ASPH: variants seen among roughly 807,000 people sequenced by gnomAD.
The protein encoded by ASPH is aspartyl/asparaginyl beta-hydroxylase.
ASPH carries 100 observed loss-of-function variants against 118.4 expected under a neutral mutation model. That is an observed-to-expected ratio of 0.84 (90% confidence interval 0.72 to 1.00). The LOEUF (loss-of-function observed/expected upper bound fraction) is 1.00. Among genes scored for constraint, ASPH ranks in the 50% least tolerant of loss-of-function variants. ASPH has a pLI of 0.00. For synonymous variants in ASPH, 315 were observed against 325.6 expected (o/e 0.97, Z 0.35); for missense variants, 920 against 919.5 (o/e 1.00, Z -0.01).
At chr8:61,637,534 CAA>C (rs769327983) in intron 12 of ASPH, among the ~76,000 whole-genome samples, 2 of 144,456 alleles carry the variant, frequency 1.4e-5, no homozygotes, top group Admixed American at 6.9e-5. Context: ...TCTCCACCAC[CAA>C]AAAAAAAAAA....
intron 21 of ASPH, among the ~76,000 whole-genome samples, chr8:61,546,382 T>A (rs1401780806): frequency 3.3e-5 from 5 of 151,990 alleles, no homozygotes; most frequent in African/African-American, 9.7e-5. Flanking sequence ...CACAAAGAGA[T>A]CATGAATAAA....
chr8:61,539,237 T>G (rs1302895359), intron 21 of ASPH, among the ~76,000 whole-genome samples: 2 of 152,112 alleles, frequency 1.3e-5, no homozygotes, highest in African/African-American at 4.8e-5. Flanking sequence ...TGAGACTCCA[T>G]CTCAAAATAT....
chr8:61,682,083 T>G (rs1407199567), intron 2 of ASPH, among the ~76,000 whole-genome samples: 1 of 151,998 alleles, frequency 6.6e-6, no homozygotes, highest in African/African-American at 2.4e-5. Context: ...CTCAGATTAG[T>G]TCTGATCAAT....
At chr8:61,552,721 C>G (rs907558504) in intron 20 of ASPH, among the ~76,000 whole-genome samples, 10 of 152,138 alleles carry the variant, frequency 6.6e-5, no homozygotes, top group African/African-American at 2.2e-4. Context: ...TGTACACACA[C>G]AGACACACAC....
intron 22 of ASPH, among the ~76,000 whole-genome samples, chr8:61,521,687 G>A (rs1440594772): frequency 1.3e-5 from 2 of 152,206 alleles, no homozygotes; most frequent in South Asian, 2.1e-4. Flanking sequence ...TCTCACCAGC[G>A]TTAAACTAAC....
intron 16 of ASPH, among the ~76,000 whole-genome samples, chr8:61,571,622 A>G (rs557067559): frequency 6.6e-6 from 1 of 152,190 alleles, no homozygotes; most frequent in East Asian, 1.9e-4. Context: ...GAATCCATGG[A>G]TATGGAACAT....
intron 10 of ASPH, among the ~76,000 whole-genome samples, chr8:61,642,532 T>C (rs1412167347): frequency 6.6e-6 from 1 of 152,228 alleles, no homozygotes; most frequent in Non-Finnish European, 1.5e-5. Flanking sequence ...GTAGTCAAAC[T>C]ATAGGTATAT....
At chr8:61,510,326 A>G in intron 24 of ASPH, among the ~76,000 whole-genome samples, 1 of 152,226 alleles carries the variant, frequency 6.6e-6, no homozygotes, top group Non-Finnish European at 1.5e-5. Context: ...TGAGACTTCA[A>G]TGTTCTGAAT....
chr8:61,596,530 C>T (rs906003536), intron 14 of ASPH, among the ~76,000 whole-genome samples: 2 of 152,208 alleles, frequency 1.3e-5, no homozygotes, highest in African/African-American at 4.8e-5. Flanking sequence ...ACGGGCATGC[C>T]CAAGGACCAG....
intron 3 of ASPH, chr8:61,676,325 T>G: frequency 6.3e-7 from 1 of 1,575,392 alleles, no homozygotes; most frequent in East Asian, 2.3e-5. Flanking sequence ...CAGGCCTACA[T>G]AAGAATAAAG....
chr8:61,566,925 C>T (rs185957768), intron 17 of ASPH, among the ~76,000 whole-genome samples: 1 of 152,248 alleles, frequency 6.6e-6, no homozygotes, highest in Non-Finnish European at 1.5e-5. Flanking sequence ...ATTTGTGTAA[C>T]TCTCTTTATT....
At chr8:61,595,852 C>T (rs1195591304) in intron 14 of ASPH, among the ~76,000 whole-genome samples, 3 of 152,172 alleles carry the variant, frequency 2.0e-5, no homozygotes, top group Non-Finnish European at 4.4e-5. Context: ...GCTGTTGGCA[C>T]CTAAGCATAT....
chr8:61,516,588 C>G (rs1811010440), intron 24 of ASPH, among the ~76,000 whole-genome samples: 1 of 152,096 alleles, frequency 6.6e-6, no homozygotes, highest in African/African-American at 2.4e-5. Context: ...AGCTTACATA[C>G]AGCTTGCTAT....
intron 5 of ASPH, among the ~76,000 whole-genome samples, chr8:61,649,366 A>G (rs1283636854): frequency 3.3e-5 from 5 of 152,158 alleles, no homozygotes; most frequent in African/African-American, 1.2e-4. Context: ...TGGGGTGAGG[A>G]GGAGCTATGG....
chr8:61,675,295 A>C (rs1824715978), intron 3 of ASPH: 2 of 907,350 alleles, frequency 2.2e-6, no homozygotes, highest in African/African-American at 1.8e-5. Flanking sequence ...CAACATTAAG[A>C]TACATATTCA....
At chr8:61,506,505 G>A (rs1262669635) in intron 24 of ASPH, among the ~76,000 whole-genome samples, 1 of 152,084 alleles carries the variant, frequency 6.6e-6, no homozygotes, top group African/African-American at 2.4e-5. Flanking sequence ...CAATTAAATA[G>A]AGAAAAAAGG....
chr8:61,588,438 A>G (rs1840100965), intron 14 of ASPH, among the ~76,000 whole-genome samples: 1 of 152,260 alleles, frequency 6.6e-6, no homozygotes, highest in Non-Finnish European at 1.5e-5. Flanking sequence ...AGATGTTTTT[A>G]TACTACAGTC....
chr8:61,699,946 C>T (rs922545073), intron 1 of ASPH, among the ~76,000 whole-genome samples: 1 of 152,172 alleles, frequency 6.6e-6, no homozygotes, highest in East Asian at 1.9e-4. Flanking sequence ...GTGACGGCTA[C>T]AAGGGAGCTC....
chr8:61,660,522 G>A (rs958152049), intron 3 of ASPH: 1 of 152,080 alleles, frequency 6.6e-6, no homozygotes, highest in Non-Finnish European at 1.5e-5. Flanking sequence ...ATGAGCACAC[G>A]AGACTCTGCC....
Sources: gnomAD v4.1 joint callset for allele counts (sites outside exome capture counted in the v4.1 genomes callset) on GRCh38, gnomAD v4.1.1 for gene constraint, MANE v1.5 for transcripts, NCBI Gene and HGNC (gene_info 2026-07-23, HGNC 2026-07-21) for gene names.